Variants in SYNDIG1 observed in about 807,000 individuals in gnomAD.
SYNDIG1 encodes the protein synapse differentiation inducing 1, also known as synapse differentiation-inducing gene protein 1.
SYNDIG1 carries 9 observed loss-of-function variants against 19.4 expected under a neutral mutation model. The observed-to-expected ratio is 0.46, with a 90% CI of 0.28 to 0.81. SYNDIG1 has a LOEUF of 0.81. Among genes scored for constraint, SYNDIG1 ranks in the 30% least tolerant of loss-of-function variants. The pLI is 0.12. For synonymous variants in SYNDIG1, 141 were observed against 145.9 expected (o/e 0.97, Z 0.24); for missense variants, 311 against 343.3 (o/e 0.91, Z 0.74).
intron 1 of SYNDIG1, among the ~76,000 whole-genome samples, chr20:24,506,613 C>G (rs1395891131): frequency 6.6e-6 from 1 of 152,174 alleles, no homozygotes; most frequent in Non-Finnish European, 1.5e-5. Context: ...CCAGCCTGGC[C>G]CTGCTACTGG....
intron 1 of SYNDIG1, among the ~76,000 whole-genome samples, chr20:24,535,026 A>G (rs907743832): frequency 6.6e-6 from 1 of 152,164 alleles, no homozygotes; most frequent in Admixed American, 6.5e-5. Context: ...GATGATTGTC[A>G]CTTGGTGTGG....
At chr20:24,479,858 GCT>G (rs1174493614) in intron 1 of SYNDIG1, among the ~76,000 whole-genome samples, 13 of 152,222 alleles carry the variant, frequency 8.5e-5, no homozygotes, top group African/African-American at 3.1e-4. Context: ...ACAAGGCAAG[GCT>G]GTCCTGTCAG....
intron 3 of SYNDIG1, among the ~76,000 whole-genome samples, chr20:24,629,853 G>A (rs1272270500): frequency 6.6e-6 from 1 of 152,226 alleles, no homozygotes; most frequent in Non-Finnish European, 1.5e-5. Context: ...TTCCGGAACT[G>A]AGATATTATC....
At chr20:24,523,821 G>T (rs1482708632) in intron 1 of SYNDIG1, among the ~76,000 whole-genome samples, 1 of 152,172 alleles carries the variant, frequency 6.6e-6, no homozygotes, top group Non-Finnish European at 1.5e-5. Context: ...GTGCATGCGC[G>T]CTGCCGTTCT....
chr20:24,553,350 A>T (rs1379554097), intron 2 of SYNDIG1, among the ~76,000 whole-genome samples: 1 of 152,094 alleles, frequency 6.6e-6, no homozygotes, highest in Non-Finnish European at 1.5e-5. Flanking sequence ...TTTTGTTGCC[A>T]TTGCTTTTGG....
At chr20:24,583,791 A>G (rs2058368617) in intron 2 of SYNDIG1, among the ~76,000 whole-genome samples, 1 of 152,144 alleles carries the variant, frequency 6.6e-6, no homozygotes, top group African/African-American at 2.4e-5. Flanking sequence ...ATCGCAAACC[A>G]CATACCCCAT....
intron 1 of SYNDIG1, among the ~76,000 whole-genome samples, chr20:24,525,333 C>A (rs1432237266): frequency 6.9e-6 from 1 of 145,186 alleles, no homozygotes; most frequent in Non-Finnish European, 1.5e-5. Context: ...ACTCTGTGGC[C>A]CAAGCTGGAG....
At chr20:24,567,630 C>T (rs1007520708) in intron 2 of SYNDIG1, among the ~76,000 whole-genome samples, 4 of 152,214 alleles carry the variant, frequency 2.6e-5, no homozygotes, top group African/African-American at 9.6e-5. Flanking sequence ...TCTTAGCTTC[C>T]AAGCACCGCT....
intron 3 of SYNDIG1, among the ~76,000 whole-genome samples, chr20:24,643,046 T>C (rs2059393595): frequency 1.3e-5 from 2 of 152,222 alleles, no homozygotes; most frequent in Non-Finnish European, 2.9e-5. Flanking sequence ...TTTAAATATG[T>C]AGAAATATTT....
chr20:24,536,164 T>A (rs1374960797), intron 1 of SYNDIG1, among the ~76,000 whole-genome samples: 1 of 152,144 alleles, frequency 6.6e-6, no homozygotes, highest in Non-Finnish European at 1.5e-5. Flanking sequence ...CAGAGGGGCG[T>A]GGCCATGCTG....
At chr20:24,556,780 T>C (rs1167552567) in intron 2 of SYNDIG1, among the ~76,000 whole-genome samples, 1 of 152,198 alleles carries the variant, frequency 6.6e-6, no homozygotes, top group Non-Finnish European at 1.5e-5. Context: ...GACAATTATG[T>C]GTCTTGGAGT....
intron 2 of SYNDIG1, among the ~76,000 whole-genome samples, chr20:24,569,747 T>C (rs1373235408): frequency 6.6e-6 from 1 of 152,182 alleles, no homozygotes; most frequent in East Asian, 1.9e-4. Flanking sequence ...CTGAAGTGTT[T>C]AGGGGGAGTG....
chr20:24,591,290 A>T (rs1036828870), intron 3 of SYNDIG1, among the ~76,000 whole-genome samples: 2 of 151,984 alleles, frequency 1.3e-5, no homozygotes, highest in Admixed American at 1.3e-4. Context: ...GCTAGTCATG[A>T]GGCTGAGGCA....
At chr20:24,647,213 G>T (rs761394136) in intron 3 of SYNDIG1, among the ~76,000 whole-genome samples, 1 of 152,088 alleles carries the variant, frequency 6.6e-6, no homozygotes. Flanking sequence ...TTTTAATTTT[G>T]CATCTTGCTC....
chr20:24,590,225 A>G (rs2058484920), intron 3 of SYNDIG1, among the ~76,000 whole-genome samples: 1 of 148,312 alleles, frequency 6.7e-6, no homozygotes. Context: ...CCAGACAGAG[A>G]GGCCTGCAGT....
intron 3 of SYNDIG1, among the ~76,000 whole-genome samples, chr20:24,609,748 A>G (rs2058817443): frequency 6.6e-6 from 1 of 152,124 alleles, no homozygotes; most frequent in African/African-American, 2.4e-5. Flanking sequence ...GATTCTCCAG[A>G]AGCTCCATGG....
At chr20:24,478,858 T>C (rs1246550345) in intron 1 of SYNDIG1, among the ~76,000 whole-genome samples, 1 of 152,192 alleles carries the variant, frequency 6.6e-6, no homozygotes, top group African/African-American at 2.4e-5. Flanking sequence ...GAAGCTGCAT[T>C]CCTGTAATGC....
intron 2 of SYNDIG1, among the ~76,000 whole-genome samples, chr20:24,545,369 C>T (rs2057555556): frequency 6.6e-6 from 1 of 152,170 alleles, no homozygotes; most frequent in African/African-American, 2.4e-5. Flanking sequence ...GGCTTCTGTT[C>T]AGAAGCCTCT....
intron 3 of SYNDIG1, among the ~76,000 whole-genome samples, chr20:24,642,759 C>T (rs1228827626): frequency 6.6e-6 from 1 of 152,060 alleles, no homozygotes; most frequent in Non-Finnish European, 1.5e-5. Context: ...TCAGGTTCAT[C>T]TTGTATGCTT....
Sources: gnomAD v4.1 joint callset for allele counts (sites outside exome capture counted in the v4.1 genomes callset) on GRCh38, gnomAD v4.1.1 for gene constraint, MANE v1.5 for transcripts, NCBI Gene and HGNC (gene_info 2026-07-23, HGNC 2026-07-21) for gene names.